TUSC3: variants seen among roughly 807,000 people sequenced by gnomAD.
The protein encoded by TUSC3 is tumor suppressor candidate 3, also known as dolichyl-diphosphooligosaccharide--protein glycosyltransferase subunit TUSC3.
Under a neutral mutation model 44.8 loss-of-function variants are expected in TUSC3, and 45 were observed. The ratio of observed to expected loss-of-function variants is 1.00; its 90% CI spans 0.79 to 1.29. The LOEUF is 1.29. Among genes scored for constraint, TUSC3 ranks in the 50% most tolerant of loss-of-function variants. The pLI is 0.00. For missense variants in TUSC3, 519 were observed against 437.9 expected (o/e 1.19, Z -1.65); for synonymous variants, 212 against 152.9 (o/e 1.39, Z -2.85).
chr8:15,538,005 G>A (rs1417247925), upstream of TUSC3, among the ~76,000 whole-genome samples: 1 of 152,156 alleles, frequency 6.6e-6, no homozygotes, highest in Non-Finnish European at 1.5e-5. Flanking sequence ...TTGTGTAAGT[G>A]GAGCTCTTAT....
chr8:15,676,726 C>T (rs1200035604), intron 6 of TUSC3, among the ~76,000 whole-genome samples: 1 of 152,128 alleles, frequency 6.6e-6, no homozygotes, highest in Non-Finnish European at 1.5e-5. Context: ...GGACAGCCTC[C>T]TATACCCAAT....
At chr8:15,552,772 G>A (rs1427754305) in intron 1 of TUSC3, among the ~76,000 whole-genome samples, 1 of 151,594 alleles carries the variant, frequency 6.6e-6, no homozygotes, top group African/African-American at 2.4e-5. Flanking sequence ...GAATTGAAGG[G>A]TTTTATCTTG....
chr8:15,644,094 T>G (rs1330650289), intron 2 of TUSC3, among the ~76,000 whole-genome samples: 1 of 152,218 alleles, frequency 6.6e-6, no homozygotes, highest in Non-Finnish European at 1.5e-5. Flanking sequence ...TGTAGAACTG[T>G]AGATGATATA....
intron 1 of TUSC3, among the ~76,000 whole-genome samples, chr8:15,475,247 G>C (rs1800559861): frequency 1.3e-5 from 2 of 152,104 alleles, no homozygotes; most frequent in Non-Finnish European, 2.9e-5. Context: ...TAGAGACATA[G>C]AGAAACTTGC....
At chr8:15,418,141 C>G (rs1216592281) in intron 1 of TUSC3, among the ~76,000 whole-genome samples, 2 of 152,146 alleles carry the variant, frequency 1.3e-5, no homozygotes, top group East Asian at 1.9e-4. Context: ...ATCAGCTCAT[C>G]AACAACAGTC....
chr8:15,559,029 TC>T (rs1208410360), intron 1 of TUSC3, among the ~76,000 whole-genome samples: 1 of 147,098 alleles, frequency 6.8e-6, no homozygotes, highest in African/African-American at 2.5e-5. Flanking sequence ...TTTAGTTATT[TC>T]TTGCTTTCTG....
the TUSC3 span, among the ~76,000 whole-genome samples, chr8:15,813,133 C>T: frequency 6.6e-6 from 1 of 151,930 alleles, no homozygotes; most frequent in African/African-American, 2.4e-5. Context: ...AAAATGCTGC[C>T]ATTGATCCAG....
At chr8:15,564,607 G>A (rs1585105939) in intron 1 of TUSC3, among the ~76,000 whole-genome samples, 1 of 151,886 alleles carries the variant, frequency 6.6e-6, no homozygotes, top group African/African-American at 2.4e-5. Context: ...TTTTACATCC[G>A]TTGATGGTGT....
the TUSC3 span, among the ~76,000 whole-genome samples, chr8:15,823,789 C>A: frequency 7.8e-6 from 1 of 127,680 alleles, no homozygotes; most frequent in Non-Finnish European, 1.8e-5. Flanking sequence ...CAGAGACTGG[C>A]AAGTTCAGTG....
At chr8:15,600,344 A>G (rs1342470598) in intron 1 of TUSC3, among the ~76,000 whole-genome samples, 1 of 151,804 alleles carries the variant, frequency 6.6e-6, no homozygotes, top group African/African-American at 2.4e-5. Flanking sequence ...AGAATAAAAA[A>G]TAGAGATGCT....
chr8:15,811,325 G>C, the TUSC3 span, among the ~76,000 whole-genome samples: 1 of 152,148 alleles, frequency 6.6e-6, no homozygotes, highest in South Asian at 2.1e-4. Context: ...CACATCAAGT[G>C]TCTATAACTA....
At chr8:15,783,561 A>G in the TUSC3 span, among the ~76,000 whole-genome samples, 1 of 152,200 alleles carries the variant, frequency 6.6e-6, no homozygotes, top group East Asian at 1.9e-4. Flanking sequence ...GACTCTAGAA[A>G]AAAACCCAAG....
intron 2 of TUSC3, among the ~76,000 whole-genome samples, chr8:15,632,106 G>T (rs1015417732): frequency 4.6e-5 from 7 of 152,044 alleles, no homozygotes; most frequent in Non-Finnish European, 7.4e-5. Flanking sequence ...TTTAAATTTT[G>T]CATTTGTCTC....
Position 15,540,495 on chromosome 8 carries a change from C to T in TUSC3, c.65C>T (p.Thr22Ile). ...GGGCGGCGGCTGCGGTACCTGCCCACCGGGAGCTTTCCCTTCCTTCTCCTG... is the reference window on the plus strand; with the variant it reads ...GGGCGGCGGCTGCGGTACCTGCCCATCGGGAGCTTTCCCTTCCTTCTCCTG... ...QAGRRLRYLP[T>I]GSFPFLLLLL... Residue 22 changes from threonine (T) to isoleucine (I), a missense_variant, in exon 1 of 11, where the codon ACC becomes ATC. By Grantham distance (89) the Thr-to-Ile change is moderately conservative. Transcript: ENST00000503731. The T allele has an allele frequency of 1.2e-6, 2 of 1,608,762 alleles. No homozygotes were observed. Among genetic ancestry groups the T allele is most frequent in the South Asian group, 2.2e-5 (2 of 90,538 alleles).
intron 1 of TUSC3, among the ~76,000 whole-genome samples, chr8:15,447,862 G>A (rs1340418987): frequency 6.6e-6 from 1 of 151,302 alleles, no homozygotes; most frequent in Admixed American, 6.6e-5. Context: ...CTCCCTCATC[G>A]TATTTATATA....
At chr8:15,781,203 C>G in the TUSC3 span, among the ~76,000 whole-genome samples, 40 of 152,338 alleles carry the variant, frequency 2.6e-4, no homozygotes, top group African/African-American at 9.1e-4. Flanking sequence ...CACAGTTCCT[C>G]TCCCAAGCTG....
At chr8:15,815,619 C>A in the TUSC3 span, among the ~76,000 whole-genome samples, 1 of 152,058 alleles carries the variant, frequency 6.6e-6, no homozygotes, top group Admixed American at 6.6e-5. Context: ...ATCTCTGCAG[C>A]GCAATCTTTA....
At chr8:15,472,545 C>T (rs1800508391) in intron 1 of TUSC3, among the ~76,000 whole-genome samples, 1 of 152,128 alleles carries the variant, frequency 6.6e-6, no homozygotes. Context: ...TCAATTTCTT[C>T]TGTAAGTATT....
chr8:15,499,691 G>C (rs763777941), intron 2 of TUSC3, among the ~76,000 whole-genome samples: 6 of 152,134 alleles, frequency 3.9e-5, no homozygotes, highest in Non-Finnish European at 8.8e-5. Flanking sequence ...GTGTCTGTGA[G>C]GGTGTTTCTG....
Sources: allele counts gnomAD v4.1 joint callset (sites outside exome capture counted in the v4.1 genomes callset), GRCh38; gene constraint gnomAD v4.1.1; transcripts MANE v1.5; gene names NCBI Gene and HGNC (gene_info 2026-07-23, HGNC 2026-07-21).